The following ZNF536 variants were observed in gnomAD, a reference collection of about 807,000 sequenced individuals.
The protein encoded by ZNF536 is zinc finger protein 536.
Under a neutral mutation model 84.5 loss-of-function variants are expected in ZNF536, and 13 were observed. The observed-to-expected ratio is 0.15, with a 90% CI of 0.10 to 0.24. The LOEUF is 0.24. ZNF536 is among the 10% of genes least tolerant of loss of function. The pLI is 1.00. For synonymous variants in ZNF536, 811 were observed against 742.5 expected (o/e 1.09, Z -1.50); for missense variants, 1,536 against 1,747.5 (o/e 0.88, Z 2.16).
intron 1 of ZNF536, among the ~76,000 whole-genome samples, chr19:30,397,403 G>A (rs1191759575): frequency 1.3e-5 from 2 of 152,206 alleles, no homozygotes; most frequent in Non-Finnish European, 2.9e-5. Flanking sequence ...GGTGAAGTCT[G>A]GGTAAAGCTG....
chr19:30,494,202 A>G (rs2054621771), intron 2 of ZNF536, among the ~76,000 whole-genome samples: 1 of 152,214 alleles, frequency 6.6e-6, no homozygotes. Context: ...AAATCTGCAC[A>G]GACAGACAAG....
At chr19:30,496,910 C>T (rs1439558238) in intron 2 of ZNF536, among the ~76,000 whole-genome samples, 1 of 152,194 alleles carries the variant, frequency 6.6e-6, no homozygotes, top group Non-Finnish European at 1.5e-5. Context: ...TGGCATCCTT[C>T]TGTAATAGGG....
chr19:30,672,940 T>A (rs532452726), intron 1 of ZNF536, among the ~76,000 whole-genome samples: 5 of 152,284 alleles, frequency 3.3e-5, no homozygotes, highest in African/African-American at 1.2e-4. Context: ...CCAGCCCCTA[T>A]CCTGTCTTGG....
chr19:30,445,324 G>T lies in ZNF536; in HGVS notation c.1762G>T (p.Val588Leu). 3 of 1,614,226 alleles carry T rather than the reference G, an allele frequency of 1.9e-6. No homozygotes were observed. Among genetic ancestry groups the T allele is most frequent in the Non-Finnish European group, 2.5e-6 (3 of 1,180,050 alleles). ...TGCTGATTTGGTTCACAGCACTAAA[G>T]TGGGCAGCCAGAGAGACCTGCCAAG... ...MPADLVHSTK[V>L]GSQRDLPSKL... Residue 588 changes from valine (V) to leucine (L), a missense_variant, in exon 2 of 5, where the codon GTG becomes TTG. By Grantham distance (32) the Val-to-Leu change is conservative (BLOSUM62 1). Coordinates refer to ENST00000355537, the MANE Select transcript of ZNF536 (RefSeq NM_014717.3). This position sits in a 1 kb window ranked among gnomAD's most constrained non-coding sequence, Gnocchi z 4.5.
intron 1 of ZNF536, among the ~76,000 whole-genome samples, chr19:30,377,169 A>T (rs904675839): frequency 6.6e-6 from 1 of 152,118 alleles, no homozygotes; most frequent in Non-Finnish European, 1.5e-5. Context: ...CACTAGACTG[A>T]AGGCCTCATG....
intron 1 of ZNF536, among the ~76,000 whole-genome samples, chr19:30,271,299 CTTTTTT>C (rs781528411): frequency 3.6e-5 from 4 of 111,842 alleles, no homozygotes; most frequent in Admixed American, 1.1e-4. Context: ...TTTTTCTTTT[CTTTTTT>C]TTTTTTTTTT....
At chr19:30,592,924 G>A (rs1002061453) in intron 1 of ZNF536, among the ~76,000 whole-genome samples, 2 of 152,196 alleles carry the variant, frequency 1.3e-5, no homozygotes, top group East Asian at 1.9e-4. Flanking sequence ...CGCTTGAAAT[G>A]TGTTTATTAT....
chr19:30,263,910 C>A (rs894202909), intron 1 of ZNF536, among the ~76,000 whole-genome samples: 4 of 152,070 alleles, frequency 2.6e-5, no homozygotes, highest in Admixed American at 6.6e-5. Context: ...ACACCCTACA[C>A]ACACGCATTT....
At chr19:30,639,934 C>G (rs959269276) in intron 1 of ZNF536, among the ~76,000 whole-genome samples, 1 of 152,156 alleles carries the variant, frequency 6.6e-6, no homozygotes. Context: ...CTCTATTACA[C>G]CTTGAAATTA....
chr19:30,499,649 A>C (rs1167225781), intron 2 of ZNF536, among the ~76,000 whole-genome samples: 1 of 152,232 alleles, frequency 6.6e-6, no homozygotes, highest in Non-Finnish European at 1.5e-5. Flanking sequence ...TTTACACATG[A>C]AGTGTCTTAA....
chr19:30,308,313 A>T (rs1373456768), intron 2 of ZNF536, among the ~76,000 whole-genome samples: 1 of 152,110 alleles, frequency 6.6e-6, no homozygotes, highest in Non-Finnish European at 1.5e-5. Context: ...GCATTATTTT[A>T]GGGGGACTTG....
intron 1 of ZNF536, among the ~76,000 whole-genome samples, chr19:30,238,878 C>A (rs1030125020): frequency 2.0e-5 from 3 of 152,126 alleles, no homozygotes; most frequent in Non-Finnish European, 2.9e-5. Flanking sequence ...AGAGACTCCC[C>A]TAATTTGCAT....
intron 1 of ZNF536, among the ~76,000 whole-genome samples, chr19:30,691,095 G>A (rs1413494149): frequency 6.6e-6 from 1 of 152,092 alleles, no homozygotes; most frequent in Non-Finnish European, 1.5e-5. Flanking sequence ...GGTGGGGAGG[G>A]AGATTTGTTT....
intron 2 of ZNF536, among the ~76,000 whole-genome samples, chr19:30,464,802 G>A (rs983137315): frequency 2.0e-5 from 3 of 151,982 alleles, no homozygotes; most frequent in Non-Finnish European, 4.4e-5. Context: ...GGCAAAGCGG[G>A]GTCCATCAGG....
intron 1 of ZNF536, among the ~76,000 whole-genome samples, chr19:30,586,773 T>C (rs925116005): frequency 5.3e-5 from 8 of 152,236 alleles, no homozygotes; most frequent in Non-Finnish European, 1.2e-4. Flanking sequence ...TATGCAGTCT[T>C]GTAGTCCAAG....
intron 1 of ZNF536, among the ~76,000 whole-genome samples, chr19:30,675,677 C>G (rs1350313461): frequency 1.3e-5 from 2 of 152,108 alleles, no homozygotes; most frequent in Non-Finnish European, 2.9e-5. Context: ...ATGAGTGCGC[C>G]CACTCTGATT....
chr19:30,640,603 C>T (rs566842321), intron 1 of ZNF536, among the ~76,000 whole-genome samples: 1 of 152,192 alleles, frequency 6.6e-6, no homozygotes, highest in Non-Finnish European at 1.5e-5. Flanking sequence ...CTTCTCCCTG[C>T]ACCGTCTTAC....
At chr19:30,482,450 T>C (rs540724862) in intron 2 of ZNF536, among the ~76,000 whole-genome samples, 38 of 152,314 alleles carry the variant, frequency 2.5e-4, no homozygotes, top group African/African-American at 7.7e-4. Context: ...CTCCTAACCA[T>C]TGTCCCATCA....
rs368263220 is a variant in ZNF536 at position 30,272,299 on chromosome 19, G to A, written c.-189-11773G>A. Among the ~76,000 whole-genome samples the A allele has an allele frequency of 5.9e-4, 90 of 152,146 alleles. No homozygotes were observed. In the South Asian group the frequency reaches 0.014, roughly 24 times the overall value. On this transcript the variant is annotated intron_variant, in intron 1 of 5. Coordinates refer to the ZNF536 transcript ENST00000585628. Reference sequence around the variant, plus strand: ...AATAAAATTGAGCAGAAAGTACAGCGTTACCATGTATCTTCTGACCCCTCT... The same window carrying A: ...AATAAAATTGAGCAGAAAGTACAGCATTACCATGTATCTTCTGACCCCTCT...
Sources: gnomAD v4.1 joint callset for allele counts (sites outside exome capture counted in the v4.1 genomes callset) on GRCh38, gnomAD v4.1.1 for gene constraint, Gnocchi (gnomAD v3.1) non-coding constraint, MANE v1.5 for transcripts, NCBI Gene and HGNC (gene_info 2026-07-23, HGNC 2026-07-21) for gene names.